HS6ST3: variants seen among roughly 807,000 people sequenced by gnomAD.
The protein encoded by HS6ST3 is heparan-sulfate 6-O-sulfotransferase 3.
A neutral mutation model predicts 36.7 loss-of-function variants in HS6ST3; 12 were observed. The ratio of observed to expected loss-of-function variants is 0.33; its 90% confidence interval spans 0.21 to 0.53. The LOEUF is 0.53. HS6ST3 is among the 20% of genes least tolerant of loss of function. HS6ST3 has a pLI of 0.95. For synonymous variants in HS6ST3, 240 were observed against 257.5 expected, an observed-to-expected ratio of 0.93 and a Z score of 0.65; for missense variants, 584 against 640.9, an observed-to-expected ratio of 0.91 and a Z score of 0.96.
At chr13:96,315,164 A>G (rs2054962061) in intron 1 of HS6ST3, among the ~76,000 whole-genome samples, 1 of 152,198 alleles carries the variant, frequency 6.6e-6, no homozygotes, top group Admixed American at 6.5e-5. Context: ...TACTACACCC[A>G]GTGTCTGCAC....
At chr13:96,264,358 C>G (rs1336808183) in intron 1 of HS6ST3, among the ~76,000 whole-genome samples, 2 of 152,108 alleles carry the variant, frequency 1.3e-5, no homozygotes, top group Non-Finnish European at 2.9e-5. Context: ...AACTAGCTTT[C>G]ACTGAAAGGG....
intron 1 of HS6ST3, among the ~76,000 whole-genome samples, chr13:96,222,124 A>G (rs1051976523): frequency 1.2e-4 from 18 of 152,348 alleles, no homozygotes; most frequent in African/African-American, 3.8e-4. Context: ...ACTGTAAAAC[A>G]TCAATCAAAT....
chr13:96,678,697 T>A lies in HS6ST3; in HGVS notation c.708-153793T>A, dbSNP rs1363771831. On this transcript the variant is annotated intron_variant, in intron 1 of 1. Coordinates refer to ENST00000376705, the MANE Select transcript of HS6ST3 (RefSeq NM_153456.4). Reference sequence around the variant, plus strand: ...ACTCTATCTAAAAAAAAAACAAAACTAAACTAAAAACAGTATAAAAGCAGG... The same window carrying A: ...ACTCTATCTAAAAAAAAAACAAAACAAAACTAAAAACAGTATAAAAGCAGG... Among the ~76,000 whole-genome samples the A allele has an allele frequency of 3.3e-5, 5 of 151,422 alleles. No individual in the cohort carries two copies. The East Asian group carries it at 5.8e-4, about 18-fold the overall frequency.
At chr13:96,155,871 T>A (rs566313934) in intron 1 of HS6ST3, among the ~76,000 whole-genome samples, 1 of 152,144 alleles carries the variant, frequency 6.6e-6, no homozygotes, top group Non-Finnish European at 1.5e-5. Flanking sequence ...TTATGAAACT[T>A]TTTTTTAAAG....
intron 1 of HS6ST3, among the ~76,000 whole-genome samples, chr13:96,614,297 C>CAAAAAAAAAAAAAAAAAAAAA (rs67979751): frequency 4.6e-5 from 2 of 43,946 alleles, no homozygotes; most frequent in African/African-American, 9.3e-5. Flanking sequence ...GGATCCATCT[C>CAAAAAAAAAAAAAAAAAAAAA]AAAAAAAAAA....
At chr13:96,403,332 C>G (rs999587349) in intron 1 of HS6ST3, among the ~76,000 whole-genome samples, 1 of 152,100 alleles carries the variant, frequency 6.6e-6, no homozygotes, top group African/African-American at 2.4e-5. Context: ...CCATTTGTCA[C>G]TGGAAGGAAG....
In HS6ST3 at chr13:96,741,341, G is replaced by A. The variant is rs1239200845; in HGVS notation, c.708-91149G>A. On this transcript the variant is annotated intron_variant, in intron 1 of 1. Transcript: ENST00000376705. The stretch of plus-strand genomic sequence containing the variant: ...ATCAGCTTCTTGGTACAACTTCATA[G>A]GATTAAATGTGTCAGACTAATATAA... Among the ~76,000 whole-genome samples the A allele has an allele frequency of 2.0e-5, 3 of 152,134 alleles. No individual in the cohort carries two copies. The East Asian group carries it at 5.8e-4, about 29-fold the overall frequency.
intron 1 of HS6ST3, among the ~76,000 whole-genome samples, chr13:96,554,857 T>C (rs772258258): frequency 5.3e-5 from 8 of 151,814 alleles, no homozygotes; most frequent in East Asian, 1.9e-4. Context: ...TCACTTGAGC[T>C]CAGGAGTTTG....
At chr13:96,456,820 G>C (rs2055756508) in intron 1 of HS6ST3, among the ~76,000 whole-genome samples, 1 of 152,048 alleles carries the variant, frequency 6.6e-6, no homozygotes, top group Non-Finnish European at 1.5e-5. Context: ...GGATTTTACT[G>C]TGTAGTCTTG....
At chr13:96,450,970 G>A (rs887648134) in intron 1 of HS6ST3, among the ~76,000 whole-genome samples, 11 of 152,092 alleles carry the variant, frequency 7.2e-5, no homozygotes, top group Admixed American at 1.3e-4. Flanking sequence ...AGTTTTTGCC[G>A]TGTCAAAAGA....
At chr13:96,774,251 CA>C (rs1877338320) in intron 1 of HS6ST3, among the ~76,000 whole-genome samples, 1 of 152,062 alleles carries the variant, frequency 6.6e-6, no homozygotes, top group Non-Finnish European at 1.5e-5. Flanking sequence ...CTGAAAATTC[CA>C]AAAACCAAAA....
chr13:96,430,573 T>C (rs1998698), intron 1 of HS6ST3, among the ~76,000 whole-genome samples: 104,103 of 152,054 alleles, frequency 0.68, 37,381 homozygotes, highest in African/African-American at 0.91. Context: ...TGGGTTCCTG[T>C]TGTTGTACCA....
Position 96,500,231 on chromosome 13 carries a change from G to C in HS6ST3, c.708-332259G>C, listed in dbSNP as rs71434519. 2.2e-3 allele frequency among the ~76,000 whole-genome samples: 338 copies of C among 152,138 alleles called. 1 individual carries two copies. The highest frequency in any genetic ancestry group is 0.01 in the Middle Eastern group (3 of 292). On this transcript the variant is annotated intron_variant, in intron 1 of 1. Transcript: ENST00000376705. ...TTTCACTTAGCATAATGTCTTCAAG[G>C]CTCATCCATGTTGTAGCAGGTATCA...
intron 1 of HS6ST3, among the ~76,000 whole-genome samples, chr13:96,522,731 C>T (rs1224118970): frequency 6.6e-6 from 1 of 151,994 alleles, no homozygotes; most frequent in Admixed American, 6.6e-5. Context: ...CTTCCTCCAT[C>T]CCTTTATGTT....
chr13:96,537,259 GACTTAAC>G (rs879619024), intron 1 of HS6ST3, among the ~76,000 whole-genome samples: 3 of 152,166 alleles, frequency 2.0e-5, no homozygotes, highest in Non-Finnish European at 4.4e-5. Flanking sequence ...GATCTTGTGA[GACTTAAC>G]TACCACGAGA....
intron 1 of HS6ST3, among the ~76,000 whole-genome samples, chr13:96,428,324 C>T (rs543477212): frequency 1.2e-3 from 176 of 152,220 alleles, no homozygotes; most frequent in African/African-American, 3.6e-3. Context: ...CCAGCCTGGG[C>T]GACAGAGCGA....
intron 1 of HS6ST3, among the ~76,000 whole-genome samples, chr13:96,371,431 A>G (rs955534929): frequency 2.0e-5 from 3 of 152,172 alleles, no homozygotes; most frequent in East Asian, 1.9e-4. Context: ...TAATCAACCT[A>G]TCCATCACCT....
intron 1 of HS6ST3, among the ~76,000 whole-genome samples, chr13:96,721,401 G>A (rs1875842586): frequency 1.3e-5 from 2 of 152,060 alleles, no homozygotes; most frequent in African/African-American, 4.8e-5. Context: ...TAATTAGAAT[G>A]TTTGCATAAA....
intron 1 of HS6ST3, among the ~76,000 whole-genome samples, chr13:96,777,687 T>C (rs909576960): frequency 1.3e-5 from 2 of 152,052 alleles, no homozygotes; most frequent in African/African-American, 4.8e-5. Context: ...CACAAACAAA[T>C]GGAAAAACAT....
Sources: gnomAD v4.1 joint callset for allele counts (sites outside exome capture counted in the v4.1 genomes callset) on GRCh38, gnomAD v4.1.1 for gene constraint, MANE v1.5 for transcripts, NCBI Gene and HGNC (gene_info 2026-07-23, HGNC 2026-07-21) for gene names.